DYNLT2B: variants seen among roughly 807,000 people sequenced by gnomAD.
DYNLT2B encodes the protein dynein light chain Tctex-type protein 2B.
A neutral mutation model predicts 19.5 loss-of-function variants in DYNLT2B; 14 were observed. The observed-to-expected ratio is 0.72, with a 90% confidence interval of 0.47 to 1.12. DYNLT2B has a LOEUF of 1.12. Among genes scored for constraint, DYNLT2B ranks in the 50% most tolerant of loss-of-function variants. The pLI, the probability that DYNLT2B is intolerant of heterozygous loss-of-function variation, is 0.00. For synonymous variants in DYNLT2B, 70 were observed against 59.7 expected, an observed-to-expected ratio of 1.17 and a Z score of -0.79; for missense variants, 133 against 174.7, an observed-to-expected ratio of 0.76 and a Z score of 1.35.
chr3:196,299,310 C>T (rs1225065697), intron 3 of DYNLT2B, among the ~76,000 whole-genome samples: 1 of 151,998 alleles, frequency 6.6e-6, no homozygotes, highest in Admixed American at 6.6e-5. Context: ...GTCTCGAATT[C>T]TTGACCTCAA....
At chr3:196,302,022 G>A (rs936963332) in intron 3 of DYNLT2B, among the ~76,000 whole-genome samples, 11 of 151,930 alleles carry the variant, frequency 7.2e-5, no homozygotes, top group African/African-American at 2.2e-4. Flanking sequence ...CACGAGAATC[G>A]CTTAAACCCA....
Position 196,310,332 on chromosome 3 carries a change from G to A in DYNLT2B, c.248-3320C>T, listed in dbSNP as rs368617339. ...TCACCATCTTGGTCAGGCTGGTCTC[G>A]AACTCCTGACCTCAGGTGATCCACC... On this transcript the variant is annotated intron_variant, in intron 2 of 4. Coordinates refer to ENST00000325318, the MANE Select transcript of DYNLT2B (RefSeq NM_152773.5). 6.6e-5 allele frequency among the ~76,000 whole-genome samples: 10 copies of A among 151,044 alleles called. 1 individual carries two copies. The highest frequency in any genetic ancestry group is 6.6e-5 in the Admixed American group (1 of 15,106).
chr3:196,296,550 T>C (rs1168924823), intron 3 of DYNLT2B, among the ~76,000 whole-genome samples: 4 of 152,170 alleles, frequency 2.6e-5, no homozygotes, highest in Non-Finnish European at 5.9e-5. Context: ...ACCTTGAAAT[T>C]GGCTATTCTC....
chr3:196,298,562 C>T (rs1340809519), intron 3 of DYNLT2B, among the ~76,000 whole-genome samples: 3 of 152,044 alleles, frequency 2.0e-5, no homozygotes, highest in Non-Finnish European at 2.9e-5. Flanking sequence ...AATCGGCCCA[C>T]CTCAGCCTCC....
intron 2 of DYNLT2B, among the ~76,000 whole-genome samples, chr3:196,309,526 A>G (rs1456044754): frequency 1.3e-5 from 2 of 151,612 alleles, no homozygotes; most frequent in East Asian, 3.9e-4. Flanking sequence ...CGGCCTCCCA[A>G]AGTGCTGGGA....
intron 3 of DYNLT2B, chr3:196,298,125 T>G: frequency 2.9e-6 from 1 of 347,870 alleles, no homozygotes; most frequent in Non-Finnish European, 5.7e-6. Context: ...TTATTACCAG[T>G]TTTCAACCAG....
At chr3:196,308,316 C>G (rs1008244911) in intron 2 of DYNLT2B, among the ~76,000 whole-genome samples, 1 of 151,948 alleles carries the variant, frequency 6.6e-6, no homozygotes, top group African/African-American at 2.4e-5. Context: ...CCCATCTCCC[C>G]ACACGTCCGA....
At chr3:196,296,287 G>T in intron 3 of DYNLT2B, 1 of 484,798 alleles carries the variant, frequency 2.1e-6, no homozygotes, top group East Asian at 3.4e-5. Flanking sequence ...AACTAGAGGT[G>T]ACCAGCCAGG....
intron 3 of DYNLT2B, among the ~76,000 whole-genome samples, chr3:196,296,809 G>C (rs1357183421): frequency 6.6e-6 from 1 of 152,184 alleles, no homozygotes; most frequent in Non-Finnish European, 1.5e-5. Flanking sequence ...AGCAACTCAG[G>C]AGGCTGAGAC....
At chr3:196,314,527 G>A (rs147638407) in intron 2 of DYNLT2B, among the ~76,000 whole-genome samples, 4 of 150,624 alleles carry the variant, frequency 2.7e-5, no homozygotes, top group African/African-American at 4.9e-5. Flanking sequence ...TAACAAAAGA[G>A]AGAGACCAGG....
intron 2 of DYNLT2B, among the ~76,000 whole-genome samples, chr3:196,312,916 C>CT (rs1726679700): frequency 6.6e-6 from 1 of 152,238 alleles, no homozygotes; most frequent in Non-Finnish European, 1.5e-5. Context: ...AATTGAGAGG[C>CT]TGAGGCAGGA....
At chr3:196,291,445 G>T (rs1176772436) in intron 4 of DYNLT2B, 71 bp from the exon 5 acceptor site, 19 of 1,483,794 alleles carry the variant, frequency 1.3e-5, no homozygotes, top group Non-Finnish European at 1.6e-5. Context: ...AGCAGCACAG[G>T]CAACTGAAAC....
chr3:196,306,409 C>A (rs533158211), intron 3 of DYNLT2B, among the ~76,000 whole-genome samples: 182 of 148,822 alleles, frequency 1.2e-3, no homozygotes, highest in Non-Finnish European at 2.3e-3. Context: ...ACCTGGGTGA[C>A]AAAATGAGAC....
chr3:196,313,148 C>T (rs1233982887), intron 2 of DYNLT2B, among the ~76,000 whole-genome samples: 4 of 151,834 alleles, frequency 2.6e-5, no homozygotes, highest in Non-Finnish European at 5.9e-5. Context: ...GTCATTTGTC[C>T]ATGTATATGG....
intron 1 of DYNLT2B, among the ~76,000 whole-genome samples, chr3:196,317,045 T>G (rs1440506573): frequency 3.7e-5 from 3 of 80,666 alleles, no homozygotes; most frequent in Admixed American, 1.5e-4. Context: ...TGTGTGTGTG[T>G]TGTGTGGTGT....
At chr3:196,303,533 G>A (rs1182212104) in intron 3 of DYNLT2B, among the ~76,000 whole-genome samples, 8 of 152,128 alleles carry the variant, frequency 5.3e-5, no homozygotes, top group Non-Finnish European at 7.3e-5. Context: ...ATGATATGAC[G>A]AGAATGGCGT....
intron 3 of DYNLT2B, chr3:196,298,100 C>A: frequency 3.1e-6 from 1 of 323,060 alleles, no homozygotes; most frequent in South Asian, 3.1e-5. Context: ...GTCTCCTTTC[C>A]AGTTGTGCCT....
chr3:196,294,887 A>G, intron 4 of DYNLT2B, among the ~76,000 whole-genome samples: 1 of 152,030 alleles, frequency 6.6e-6, no homozygotes, highest in Non-Finnish European at 1.5e-5. Flanking sequence ...GGCGTGCACC[A>G]CCACACCCGG....
At chr3:196,299,572 G>C (rs1169348166) in intron 3 of DYNLT2B, among the ~76,000 whole-genome samples, 1 of 152,044 alleles carries the variant, frequency 6.6e-6, no homozygotes, top group African/African-American at 2.4e-5. Flanking sequence ...ATTCTGGAGG[G>C]AAGATCCCAT....
Sources: allele counts gnomAD v4.1 joint callset (sites outside exome capture counted in the v4.1 genomes callset), GRCh38; gene constraint gnomAD v4.1.1; transcripts MANE v1.5; gene names NCBI Gene and HGNC (gene_info 2026-07-23, HGNC 2026-07-21).